Variants in CDH17 observed in about 807,000 individuals in gnomAD.
The protein encoded by CDH17 is cadherin 17.
In CDH17, 67 loss-of-function variants were observed where a neutral mutation model predicts 86.3. That is an observed-to-expected ratio of 0.78 (90% CI 0.64 to 0.95). The LOEUF (loss-of-function observed/expected upper bound fraction) is 0.95. Among genes scored for constraint, CDH17 ranks in the 40% least tolerant of loss-of-function variants. The pLI, the probability that CDH17 is intolerant of heterozygous loss-of-function variation, is 0.00. For synonymous variants in CDH17, 367 were observed against 366.4 expected, an observed-to-expected ratio of 1.00 and a Z score of -0.02; for missense variants, 993 against 1,017.6, an observed-to-expected ratio of 0.98 and a Z score of 0.33.
intron 3 of CDH17, among the ~76,000 whole-genome samples, chr8:94,179,356 A>T (rs1813434135): frequency 6.6e-6 from 1 of 152,218 alleles, no homozygotes; most frequent in Non-Finnish European, 1.5e-5. Flanking sequence ...ATTGTTCAAC[A>T]TTGCAGCTGC....
upstream of CDH17, among the ~76,000 whole-genome samples, chr8:94,210,536 C>T (rs1456676298): frequency 2.6e-5 from 4 of 152,158 alleles, no homozygotes; most frequent in Non-Finnish European, 4.4e-5. Flanking sequence ...AGACATCCTT[C>T]CAGATTAAAT....
At chr8:94,208,771 A>C (rs1383734763), upstream of CDH17, among the ~76,000 whole-genome samples, 1 of 152,206 alleles carries the variant, frequency 6.6e-6, no homozygotes, top group Non-Finnish European at 1.5e-5. Flanking sequence ...AGGTTGCTAC[A>C]TTTTTCAATG....
intron 15 of CDH17, among the ~76,000 whole-genome samples, chr8:94,145,365 G>T (rs536171994): frequency 1.8e-4 from 27 of 151,994 alleles, no homozygotes; most frequent in Middle Eastern, 6.8e-3. Flanking sequence ...AAAGAAGCCA[G>T]ACCAAAAAAA....
At chr8:94,168,120 A>ATATATATATATACG (rs1813195471) in intron 9 of CDH17, among the ~76,000 whole-genome samples, 1 of 30,402 alleles carries the variant, frequency 3.3e-5, no homozygotes, top group African/African-American at 1.2e-4. Flanking sequence ...ATATATATAT[A>ATATATATATATACG]TATATATATA....
chr8:94,183,971 A>G (rs1813530177), intron 3 of CDH17, among the ~76,000 whole-genome samples: 1 of 152,062 alleles, frequency 6.6e-6, no homozygotes, highest in Non-Finnish European at 1.5e-5. Flanking sequence ...ACTCAACATC[A>G]GTCATTAGGG....
At chr8:94,139,251 A>AG (rs1414413462) in intron 15 of CDH17, among the ~76,000 whole-genome samples, 1 of 152,172 alleles carries the variant, frequency 6.6e-6, no homozygotes, top group Non-Finnish European at 1.5e-5. Context: ...TGAATATAGC[A>AG]GGAAAAAACA....
intron 2 of CDH17, among the ~76,000 whole-genome samples, chr8:94,190,748 A>G (rs1455405816): frequency 6.6e-6 from 1 of 152,162 alleles, no homozygotes; most frequent in Admixed American, 6.5e-5. Context: ...CCAGTTATTT[A>G]GGGAGAGCAA....
chr8:94,190,945 G>A (rs1813676376), intron 2 of CDH17, among the ~76,000 whole-genome samples: 1 of 152,218 alleles, frequency 6.6e-6, no homozygotes, highest in South Asian at 2.1e-4. Flanking sequence ...TTGGTCTTCT[G>A]TTCTCAGATT....
At chr8:94,139,640 T>C (rs1812597225) in intron 15 of CDH17, among the ~76,000 whole-genome samples, 1 of 152,144 alleles carries the variant, frequency 6.6e-6, no homozygotes, top group South Asian at 2.1e-4. Flanking sequence ...CGGTGGCTCA[T>C]GCCTATAATC....
intron 2 of CDH17, 62 bp downstream of exon 2, chr8:94,194,573 G>T: frequency 9.0e-7 from 1 of 1,109,742 alleles, no homozygotes; most frequent in South Asian, 1.3e-5. Flanking sequence ...CCTGGTGTGG[G>T]GTAGAAAGAT....
intron 3 of CDH17, among the ~76,000 whole-genome samples, chr8:94,183,641 G>A (rs1431236170): frequency 6.6e-6 from 1 of 151,892 alleles, no homozygotes; most frequent in Non-Finnish European, 1.5e-5. Context: ...AAATCTTTAT[G>A]ACCCCGAATG....
chr8:94,187,922 C>G (rs1410603991), intron 3 of CDH17, among the ~76,000 whole-genome samples: 1 of 152,132 alleles, frequency 6.6e-6, no homozygotes, highest in South Asian at 2.1e-4. Flanking sequence ...TAACACCCTA[C>G]CTCACCGGGC....
At chr8:94,148,368 C>T (rs1812785760) in intron 14 of CDH17, among the ~76,000 whole-genome samples, 1 of 151,770 alleles carries the variant, frequency 6.6e-6, no homozygotes, top group Non-Finnish European at 1.5e-5. Flanking sequence ...ATGGTGAAAC[C>T]CTGTCTCTAC....
chr8:94,208,158 A>T (rs1457326522), intron 1 of CDH17, among the ~76,000 whole-genome samples: 3 of 152,206 alleles, frequency 2.0e-5, no homozygotes, highest in African/African-American at 7.2e-5. Context: ...TTATATACTC[A>T]TCACAAAGAA....
At chr8:94,162,312 T>C in intron 10 of CDH17, 150 bp from the exon 11 acceptor site, 2 of 620,438 alleles carry the variant, frequency 3.2e-6, no homozygotes, top group Non-Finnish European at 5.9e-6. Flanking sequence ...GTGGGCTCTC[T>C]GTTTCCCACC....
chr8:94,210,999 C>T (rs1386270131), upstream of CDH17, among the ~76,000 whole-genome samples: 8 of 141,944 alleles, frequency 5.6e-5, no homozygotes, highest in Admixed American at 2.2e-4. Context: ...CCAGCCTAGC[C>T]GACAGAGCAA....
chr8:94,150,172 T>C (rs1436259920), intron 13 of CDH17, among the ~76,000 whole-genome samples: 3 of 152,186 alleles, frequency 2.0e-5, no homozygotes, highest in Non-Finnish European at 4.4e-5. Flanking sequence ...TGAAACCCTT[T>C]ATACTTGGGA....
chr8:94,194,722 T>TA lies in CDH17; in HGVS notation c.-20-18dup, dbSNP rs771205539. 292 of 1,400,598 alleles carry TA rather than the reference T, an allele frequency of 2.1e-4. No homozygotes were observed. Among genetic ancestry groups the TA allele is most frequent in the South Asian group, 2.0e-3 (163 of 82,840 alleles). The allele number at this position is 1,400,598 out of a possible 1,614,324, so 86.8% of individuals were successfully genotyped here. On this transcript the variant is annotated splice_polypyrimidine_tract_variant and intron_variant, in intron 1 of 17. Transcript: ENST00000027335. ...TTCAAATTCCTGTGAAGGAACCAGA[T>TA]AAAAAAATGGTTAGTTACCAGTCTG...
At chr8:94,189,479 T>G (rs758979150) in intron 2 of CDH17, among the ~76,000 whole-genome samples, 194 bp from the exon 3 acceptor site, 10 of 152,212 alleles carry the variant, frequency 6.6e-5, no homozygotes, top group Non-Finnish European at 1.2e-4. Context: ...ACCTTTCCAT[T>G]GCTTTTCTTA....
Sources: allele counts gnomAD v4.1 joint callset (sites outside exome capture counted in the v4.1 genomes callset), GRCh38; gene constraint gnomAD v4.1.1; transcripts MANE v1.5; gene names NCBI Gene and HGNC (gene_info 2026-07-23, HGNC 2026-07-21).